The following DHX35 variants were observed in gnomAD, a reference collection of about 807,000 sequenced individuals.
DHX35 encodes DEAH-box helicase 35.
In DHX35, 84 loss-of-function variants were observed where a neutral mutation model predicts 99.6. The observed-to-expected ratio is 0.84, with a 90% CI of 0.71 to 1.01. The LOEUF is 1.01. Ranked by LOEUF, DHX35 falls within the 50% of genes least tolerant of loss-of-function variation. The pLI, the probability that DHX35 is intolerant of heterozygous loss-of-function variation, is 0.00. For synonymous variants in DHX35, 331 were observed against 316.2 expected (o/e 1.05, Z -0.50); for missense variants, 852 against 888.5 (o/e 0.96, Z 0.52).
chr20:39,008,874 G>T (rs2086658148), intron 12 of DHX35, among the ~76,000 whole-genome samples: 1 of 152,156 alleles, frequency 6.6e-6, no homozygotes, highest in Admixed American at 6.5e-5. Flanking sequence ...CTTCCCTGGA[G>T]GCCTTCTTCC....
At position 38,978,007 on chromosome 20, in the gene DHX35, G is replaced by T. The variant is rs1393799674; in HGVS notation, c.267+5356G>T. 50 of 710,538 alleles carry T rather than the reference G, an allele frequency of 7.0e-5. No individual in the cohort carries two copies. In the East Asian group the frequency reaches 1.3e-3, roughly 18 times the overall value. The allele number at this position is 710,538 out of a possible 1,614,324, so 44.0% of individuals were successfully genotyped here. A position where few individuals can be genotyped will look rare whatever the true frequency, so the allele number is the denominator to read the frequency against. On this transcript the variant is annotated intron_variant, in intron 3 of 21. Transcript: ENST00000252011. ...ACCTCCAGGGGCAGATCACCTTCCA[G>T]ATATACTTAAGAATTTCACATCTTC...
chr20:38,979,960 A>T (rs1398479512), intron 3 of DHX35, among the ~76,000 whole-genome samples: 2 of 152,094 alleles, frequency 1.3e-5, no homozygotes. Context: ...TCCTTTAGCC[A>T]GAAGCCCAGA....
chr20:38,976,636 A>G (rs572336856), intron 3 of DHX35, among the ~76,000 whole-genome samples: 9 of 152,266 alleles, frequency 5.9e-5, no homozygotes, highest in South Asian at 4.1e-4. Flanking sequence ...TTTGAAGTCT[A>G]TGGCACATTA....
chr20:38,990,228 A>G (rs1277737910), intron 5 of DHX35, among the ~76,000 whole-genome samples: 1 of 152,204 alleles, frequency 6.6e-6, no homozygotes, highest in African/African-American at 2.4e-5. Flanking sequence ...TCATTGGTGG[A>G]AGTTCTCACT....
At chr20:39,001,617 A>G in intron 8 of DHX35, 113 bp from the exon 9 acceptor site, 2 of 721,088 alleles carry the variant, frequency 2.8e-6, no homozygotes, top group Middle Eastern at 4.0e-4. Flanking sequence ...TTGCACATAT[A>G]TAATCTTGCT....
chr20:38,999,194 C>T (rs117270919), intron 8 of DHX35, among the ~76,000 whole-genome samples: 20 of 152,094 alleles, frequency 1.3e-4, no homozygotes, highest in Non-Finnish European at 2.6e-4. Flanking sequence ...AAGGCATCAT[C>T]TTCTTCCTTG....
rs2086824979 is a variant in DHX35 at position 39,018,679 on chromosome 20, G to A, written c.1403-125G>A. On this transcript the variant is annotated intron_variant, in intron 14 of 21. Coordinates refer to ENST00000252011, the MANE Select transcript of DHX35 (RefSeq NM_021931.4). Reference sequence around the variant, plus strand: ...AGTGTCAAATGGAGTTTGGTGTAGTGCATGAATCATCTTTTGGATACTTTC... The same window carrying A: ...AGTGTCAAATGGAGTTTGGTGTAGTACATGAATCATCTTTTGGATACTTTC... The A allele has an allele frequency of 3.3e-6, 3 of 922,312 alleles. No individual in the cohort carries two copies. In the Admixed American group the frequency reaches 6.3e-5, roughly 19 times the overall value. The allele number at this position is 922,312 out of a possible 1,614,324, so 57.1% of individuals were successfully genotyped here. A position where few individuals can be genotyped will look rare whatever the true frequency, so the allele number is the denominator to read the frequency against.
rs1348970803 is a variant in DHX35 at position 39,003,879 on chromosome 20, T to C, written c.983T>C (p.Phe328Ser). Residue 328 changes from phenylalanine to serine, a missense_variant, in exon 11 of 22, where the codon TTT (phenylalanine) becomes TCT (serine). Coordinates refer to ENST00000252011, the MANE Select transcript of DHX35 (RefSeq NM_021931.4). ...GLPSFEQMKV[F>S]ERVSRSVRKV... ...CCTTCCTTTGAGCAAATGAAAGTGTTTGAAAGGGTGTCACGCAGTGTCAGA... is the reference window on the plus strand; with the variant it reads ...CCTTCCTTTGAGCAAATGAAAGTGTCTGAAAGGGTGTCACGCAGTGTCAGA... The C allele has an allele frequency of 6.2e-7, 1 of 1,614,090 alleles. No individual in the cohort carries two copies. The highest frequency in any genetic ancestry group is 8.5e-7 in the Non-Finnish European group (1 of 1,179,998).
intron 3 of DHX35, chr20:38,977,751 T>G (rs1009947379): frequency 1.6e-5 from 7 of 435,686 alleles, no homozygotes; most frequent in South Asian, 1.3e-4. Context: ...TACAGAACTT[T>G]TGATATTTTA....
chr20:38,977,925 A>G (rs2086107610), intron 3 of DHX35: 1 of 599,732 alleles, frequency 1.7e-6, no homozygotes, highest in African/African-American at 1.8e-5. Context: ...CATCATCAAA[A>G]TCATCATCAT....
intron 15 of DHX35, among the ~76,000 whole-genome samples, chr20:39,019,931 TC>T (rs2086846865): frequency 6.6e-6 from 1 of 152,198 alleles, no homozygotes; most frequent in South Asian, 2.1e-4. Context: ...CTTTCTACTC[TC>T]TGTTTCTATG....
chr20:38,970,661 T>C (rs909210849), intron 2 of DHX35, among the ~76,000 whole-genome samples: 5 of 152,166 alleles, frequency 3.3e-5, no homozygotes, highest in South Asian at 2.1e-4. Context: ...ACCTACCTCA[T>C]AGGACTGTTA....
rs756802319 is a variant in DHX35, at chr20:39,001,838, C to G, written c.751C>G (p.Gln251Glu). Reference sequence around the variant, plus strand: ...ATTTCCGGTGGATATCTTTTATCTACAAAGGTTTGATGATGCTTGAATTCT... The same window carrying G: ...ATTTCCGGTGGATATCTTTTATCTAGAAAGGTTTGATGATGCTTGAATTCT... ...RTFPVDIFYL[Q>E]SPVPDYIKST... The change falls in exon 9 of 22, where the codon CAA becomes GAA. Residue 251 changes from glutamine to glutamate, a missense_variant. Transcript: ENST00000252011. 9 of 1,608,422 alleles carry G rather than the reference C, an allele frequency of 5.6e-6. No homozygotes were observed. The South Asian group carries it at 9.9e-5, about 18-fold the overall frequency.
At chr20:39,028,983 C>T (rs1248717834) in intron 19 of DHX35, among the ~76,000 whole-genome samples, 2 of 152,186 alleles carry the variant, frequency 1.3e-5, no homozygotes, top group African/African-American at 2.4e-5. Context: ...CCTGATTCTT[C>T]CAGTTCCATT....
chr20:38,964,625 T>G (rs2085884230), intron 1 of DHX35, among the ~76,000 whole-genome samples: 1 of 152,092 alleles, frequency 6.6e-6, no homozygotes. Context: ...GAGATGGAGT[T>G]TCAGCATGGT....
chr20:39,034,294 C>T lies in DHX35; in HGVS notation c.2044C>T (p.Pro682Ser), dbSNP rs1051991429. Reference protein sequence around the residue: ...IESAWLLELAPHFYQQGTHLS... With the variant: ...IESAWLLELASHFYQQGTHLS... The stretch of plus-strand genomic sequence containing the variant: ...ATCGGCCTGGCTGTTGGAGCTGGCT[C>T]CACACTTTTATCAACAAGGAACGGT... The change falls in exon 21 of 22, where the codon CCA becomes TCA. Residue 682 changes from proline to serine, a missense_variant. Transcript: ENST00000252011. 6.2e-7 allele frequency: 1 copy of T among 1,614,140 alleles called. No homozygotes were observed. Among genetic ancestry groups the T allele is most frequent in the East Asian group, 2.2e-5 (1 of 44,880 alleles).
chr20:38,969,337 C>G (rs2085959394), intron 2 of DHX35, 123 bp downstream of exon 2: 1 of 1,193,218 alleles, frequency 8.4e-7, no homozygotes, highest in African/African-American at 1.5e-5. Context: ...GAAACCCTTA[C>G]TGTAAGGGAT....
In DHX35 at chr20:39,006,287, G is replaced by T. The variant is rs1366728555; in HGVS notation, c.1153G>T (p.Ala385Ser). The change falls in exon 12 of 22, where the codon GCA becomes TCA. Residue 385 changes from alanine to serine, a missense_variant. Ala to Ser is a moderately conservative substitution (Grantham distance 99). Coordinates refer to ENST00000252011, the MANE Select transcript of DHX35 (RefSeq NM_021931.4). The part of the protein sequence containing the change: ...ECLVVVPVSQ[A>S]SANQRAGRGG... The stretch of plus-strand genomic sequence containing the variant: ...CTTGGTGGTGGTGCCAGTCTCCCAG[G>T]CATCAGCTAATCAGCGAGCAGGACG... 1.2e-5 allele frequency: 20 copies of T among 1,614,122 alleles called. No individual in the cohort carries two copies. The highest frequency in any genetic ancestry group is 1.7e-5 in the Non-Finnish European group (20 of 1,180,018).
At position 39,030,793 on chromosome 20, in the gene DHX35, C is replaced by G; in HGVS notation, c.1955+18C>G. ...CCTCGCTGGTAAGCTCATCCTGCTG[C>G]TTAGCCTGTGCCTGCTTTGAACAGG... is the stretch of plus-strand genomic sequence containing the variant. On this transcript the variant is annotated intron_variant, in intron 20 of 21. Coordinates refer to ENST00000252011, the MANE Select transcript of DHX35 (RefSeq NM_021931.4). 1 of 1,613,532 alleles carries G rather than the reference C, an allele frequency of 6.2e-7. No individual in the cohort carries two copies. Among genetic ancestry groups the G allele is most frequent in the Non-Finnish European group, 8.5e-7 (1 of 1,179,506 alleles).
Sources: gnomAD v4.1 joint callset for allele counts (sites outside exome capture counted in the v4.1 genomes callset) on GRCh38, gnomAD v4.1.1 for gene constraint, MANE v1.5 for transcripts, NCBI Gene and HGNC (gene_info 2026-07-23, HGNC 2026-07-21) for gene names.